Variants in HIPK3 observed in about 807,000 individuals in gnomAD.
HIPK3 encodes homeodomain-interacting protein kinase 3.
HIPK3 carries 47 observed loss-of-function variants against 124.2 expected under a neutral mutation model. The ratio of observed to expected loss-of-function variants is 0.38; its 90% CI spans 0.30 to 0.48. The LOEUF (loss-of-function observed/expected upper bound fraction) is 0.48. Ranked by LOEUF, HIPK3 falls within the 20% of genes least tolerant of loss-of-function variation. HIPK3 has a pLI of 0.98. For synonymous variants in HIPK3, 482 were observed against 515.2 expected (o/e 0.94, Z 0.87); for missense variants, 1,286 against 1,454.3 (o/e 0.88, Z 1.88).
chr11:33,304,077 A>T (rs1326305796), intron 2 of HIPK3, among the ~76,000 whole-genome samples: 1 of 152,062 alleles, frequency 6.6e-6, no homozygotes, highest in Non-Finnish European at 1.5e-5. Context: ...AGTAGCTGGG[A>T]CTACAGGCGT....
At chr11:33,309,465 G>A (rs181752203) in intron 2 of HIPK3, among the ~76,000 whole-genome samples, 216 of 152,330 alleles carry the variant, frequency 1.4e-3, no homozygotes, top group Admixed American at 3.7e-3. Context: ...AGAATATATA[G>A]GAACAGGAAG....
At chr11:33,310,311 T>TATCTATCTATCTATCTATCTATCTA (rs1565078204) in intron 2 of HIPK3, among the ~76,000 whole-genome samples, 3 of 150,848 alleles carry the variant, frequency 2.0e-5, no homozygotes, top group African/African-American at 7.4e-5. Flanking sequence ...CTATCTAATC[T>TATCTATCTATCTATCTATCTATCTA]ATCTATCTAT....
chr11:33,274,018 A>G (rs1851207388), intron 1 of HIPK3, among the ~76,000 whole-genome samples: 1 of 152,208 alleles, frequency 6.6e-6, no homozygotes, highest in African/African-American at 2.4e-5. Flanking sequence ...GTGTGAATAT[A>G]GTGATGAGAA....
chr11:33,353,298 C>T lies in HIPK3; in HGVS notation c.3378C>T (p.Thr1126=). Residue 1126 remains threonine (T), a synonymous_variant, in exon 17 of 17, where the codon ACC becomes ACT. Transcript: ENST00000303296. ...PTLLPYPSSA[T]LSSAAPVAHL... ...TACTTCCATACCCATCATCAGCCAC[C>T]CTCAGTAGTGCTGCACCAGTGGCCC... The T allele has an allele frequency of 1.2e-6, 2 of 1,614,146 alleles. No homozygotes were observed. The highest frequency in any genetic ancestry group is 1.7e-6 in the Non-Finnish European group (2 of 1,180,016).
At chr11:33,335,776 AC>A (rs571029591) in intron 3 of HIPK3, 166 of 152,276 alleles carry the variant, frequency 1.1e-3, no homozygotes, top group African/African-American at 3.9e-3. Context: ...GGTTAAAAAA[AC>A]ATCTTTGCAC....
At chr11:33,283,515 G>A (rs1240860236) in intron 1 of HIPK3, among the ~76,000 whole-genome samples, 1 of 152,110 alleles carries the variant, frequency 6.6e-6, no homozygotes, top group Non-Finnish European at 1.5e-5. Context: ...AGTCAACTTA[G>A]GAATGTGGTA....
At chr11:33,270,404 G>C (rs1156318605) in intron 1 of HIPK3, among the ~76,000 whole-genome samples, 1 of 152,058 alleles carries the variant, frequency 6.6e-6, no homozygotes, top group Non-Finnish European at 1.5e-5. Context: ...CGCCTCCTGG[G>C]TTCAAGCAAT....
chr11:33,267,004 A>G (rs1024140935), intron 1 of HIPK3, among the ~76,000 whole-genome samples: 6 of 152,100 alleles, frequency 3.9e-5, no homozygotes, highest in Non-Finnish European at 8.8e-5. Flanking sequence ...AGGGAATTCT[A>G]TTAGGCTTGC....
intron 2 of HIPK3, among the ~76,000 whole-genome samples, chr11:33,322,064 A>T (rs1203325999): frequency 6.6e-6 from 1 of 152,028 alleles, no homozygotes; most frequent in Non-Finnish European, 1.5e-5. Flanking sequence ...CAGTGGCGCG[A>T]TCTTGGCTCA....
intron 2 of HIPK3, among the ~76,000 whole-genome samples, chr11:33,313,679 T>G (rs984794263): frequency 1.3e-5 from 2 of 151,932 alleles, no homozygotes; most frequent in Non-Finnish European, 2.9e-5. Flanking sequence ...ATAGGAAAAA[T>G]ACTAATGATT....
intron 1 of HIPK3, among the ~76,000 whole-genome samples, chr11:33,284,484 T>A (rs539551526): frequency 1.3e-5 from 2 of 151,744 alleles, no homozygotes; most frequent in African/African-American, 4.8e-5. Flanking sequence ...TCTGAAAGAG[T>A]TTTTAAAGTG....
At chr11:33,352,300 GATTCAA>G (rs1853687086) in intron 16 of HIPK3, 35 bp downstream of exon 16, 3 of 1,603,434 alleles carry the variant, frequency 1.9e-6, no homozygotes, top group Admixed American at 3.4e-5. Context: ...GAGTCTGTGG[GATTCAA>G]ATTTAGCAGT....
At chr11:33,262,343 A>G (rs994667125) in intron 1 of HIPK3, among the ~76,000 whole-genome samples, 1 of 152,230 alleles carries the variant, frequency 6.6e-6, no homozygotes, top group Non-Finnish European at 1.5e-5. Context: ...CAAAGATAGA[A>G]TAGATATTTG....
At chr11:33,300,364 ACTTGCAGCCATTTTAAC>A (rs1457887794) in intron 2 of HIPK3, among the ~76,000 whole-genome samples, 2 of 152,024 alleles carry the variant, frequency 1.3e-5, no homozygotes, top group East Asian at 3.9e-4. Context: ...AAAAAAAAGA[ACTTGCAGCCATTTTAAC>A]CTTCAGCAAC....
At position 33,353,493 on chromosome 11, in the gene HIPK3, T is replaced by A; in HGVS notation, c.3573T>A (p.Ser1191=). ...TQYKPIFPPH[S]YIAASPAYTG... The stretch of plus-strand genomic sequence containing the variant: ...ACAAACCAATCTTCCCACCACATTC[T>A]TACATTGCAGCATCACCTGCATATA... The change falls in exon 17 of 17, where the codon TCT becomes TCA. Residue 1191 remains serine (S), a synonymous_variant. Coordinates refer to ENST00000303296, the MANE Select transcript of HIPK3 (RefSeq NM_005734.5). The A allele has an allele frequency of 6.2e-7, 1 of 1,614,106 alleles. No individual in the cohort carries two copies. The highest frequency in any genetic ancestry group is 8.5e-7 in the Non-Finnish European group (1 of 1,179,978).
At chr11:33,286,032 C>T (rs996395936) in intron 1 of HIPK3, among the ~76,000 whole-genome samples, 2 of 152,294 alleles carry the variant, frequency 1.3e-5, no homozygotes, top group East Asian at 3.9e-4. Context: ...GCCTCAGCCT[C>T]TCAAAGTGCT....
chr11:33,341,972 G>A (rs746300986), intron 8 of HIPK3, among the ~76,000 whole-genome samples: 15 of 151,824 alleles, frequency 9.9e-5, no homozygotes, highest in Admixed American at 2.6e-4. Flanking sequence ...ATGGTGGTGC[G>A]TGCCTGTAGT....
At chr11:33,310,604 C>T (rs1852307039) in intron 2 of HIPK3, among the ~76,000 whole-genome samples, 1 of 152,096 alleles carries the variant, frequency 6.6e-6, no homozygotes. Flanking sequence ...CCACCGTGCC[C>T]AGCCTATTTA....
At position 33,353,901 on chromosome 11, in the gene HIPK3, T is replaced by TGTAC. The variant is rs1853746707; in HGVS notation, c.*333_*334insGTAC. 7.0e-6 allele frequency: 2 copies of TGTAC among 285,158 alleles called. No homozygotes were observed. Among genetic ancestry groups the TGTAC allele is most frequent in the Non-Finnish European group, 1.3e-5 (2 of 148,632 alleles). 17.7% of individuals were successfully genotyped at this position (285,158 alleles called of 1,614,324 possible). A position where few individuals can be genotyped will look rare whatever the true frequency, so the allele number is the denominator to read the frequency against. On this transcript the variant is annotated 3_prime_UTR_variant, in exon 17 of 17. Coordinates refer to ENST00000303296, the MANE Select transcript of HIPK3 (RefSeq NM_005734.5). ...TGGGAAGCCATTCTGTGTACAGACT[T>TGTAC]AGAGCAACAGATGCACATATGTCAG...
Sources: allele counts gnomAD v4.1 joint callset (sites outside exome capture counted in the v4.1 genomes callset), GRCh38; gene constraint gnomAD v4.1.1; transcripts MANE v1.5; gene names NCBI Gene and HGNC (gene_info 2026-07-23, HGNC 2026-07-21).